Variants in ZNF234 observed in about 807,000 individuals in gnomAD.
ZNF234 encodes the protein zinc finger protein 234.
In ZNF234, 4 loss-of-function variants were observed where a neutral mutation model predicts 10.3. The ratio of observed to expected loss-of-function variants is 0.39; its 90% CI spans 0.19 to 0.89. The LOEUF (loss-of-function observed/expected upper bound fraction) is 0.89. Ranked by LOEUF, ZNF234 falls within the 40% of genes least tolerant of loss-of-function variation. The pLI is 0.38. For synonymous variants in ZNF234, 258 were observed against 280.1 expected (o/e 0.92, Z 0.79); for missense variants, 711 against 836.1 (o/e 0.85, Z 1.85).
Position 44,148,899 on chromosome 19 carries a change from T to TG in ZNF234, c.142+3dup. On this transcript the variant is annotated splice_region_variant and intron_variant, in intron 4 of 5. Transcript: ENST00000426739. Reference sequence around the variant, plus strand: ...ACTTCAGGAACCTGCTGTCAGTGGGTGAGGACATGAGCTTTCTAACACTCA... The same window carrying TG: ...ACTTCAGGAACCTGCTGTCAGTGGGTGGAGGACATGAGCTTTCTAACACTCA... The TG allele has an allele frequency of 6.2e-7, 1 of 1,612,500 alleles. No individual in the cohort carries two copies. The highest frequency in any genetic ancestry group is 8.5e-7 in the Non-Finnish European group (1 of 1,179,132).
At position 44,156,423 on chromosome 19, in the gene ZNF234, C is replaced by T. The variant is rs773384121; in HGVS notation, c.407C>T (p.Ala136Val). The T allele has an allele frequency of 6.2e-7, 1 of 1,613,420 alleles. No individual in the cohort carries two copies. The highest frequency in any genetic ancestry group is 1.7e-5 in the Admixed American group (1 of 59,942). The change falls in exon 6 of 6, where the codon GCA becomes GTA. Residue 136 changes from alanine (A) to valine (V), a missense_variant. By Grantham distance (64) the Ala-to-Val change is moderately conservative. Coordinates refer to ENST00000426739, the MANE Select transcript of ZNF234 (RefSeq NM_006630.3). ...GGTGATTTGTCCTGCCAGGTTAGGG[C>T]AGGACTATATACAACTCACACAGGA... Reference protein sequence around the residue: ...RQGDLSCQVRAGLYTTHTGQK... With the variant: ...RQGDLSCQVRVGLYTTHTGQK...
rs1201013364 is a variant in ZNF234, at chr19:44,158,095, A to G, written c.2079A>G (p.Ser693=). The part of the protein sequence containing the change: ...DENSKNIREL[S]EGGSSTR Reference sequence around the variant, plus strand: ...ATAGTAAGAACATCAGAGAGTTGTCAGAGGGAGGAAGTTCTACAAGGTGAT... The same window carrying G: ...ATAGTAAGAACATCAGAGAGTTGTCGGAGGGAGGAAGTTCTACAAGGTGAT... The change falls in exon 6 of 6, where the codon TCA becomes TCG. Residue 693 remains serine (S), a synonymous_variant. Transcript: ENST00000426739. The G allele has an allele frequency of 6.2e-7, 1 of 1,601,054 alleles. No individual in the cohort carries two copies. Among genetic ancestry groups the G allele is most frequent in the African/African-American group, 1.4e-5 (1 of 71,184 alleles).
intron 5 of ZNF234, 55 bp downstream of exon 5, chr19:44,150,560 C>A: frequency 7.2e-7 from 1 of 1,397,482 alleles, no homozygotes; most frequent in Non-Finnish European, 9.7e-7. Context: ...TGTTGTACTT[C>A]TCTCCCCTGC....
intron 5 of ZNF234, among the ~76,000 whole-genome samples, chr19:44,153,421 G>C (rs1968797645): frequency 6.6e-6 from 1 of 151,990 alleles, no homozygotes; most frequent in Non-Finnish European, 1.5e-5. Flanking sequence ...GCTTTAGTAA[G>C]CATTTCAGAA....
chr19:44,145,459 T>G (rs901197316), intron 3 of ZNF234, among the ~76,000 whole-genome samples: 3 of 152,226 alleles, frequency 2.0e-5, no homozygotes, highest in African/African-American at 7.2e-5. Context: ...TCTGCTGATT[T>G]TTTTGTCACC....
At chr19:44,150,850 A>AT (rs1222595512) in intron 5 of ZNF234, among the ~76,000 whole-genome samples, 1 of 151,994 alleles carries the variant, frequency 6.6e-6, no homozygotes, top group Non-Finnish European at 1.5e-5. Context: ...CCTGGCTAAC[A>AT]TGGCAAAACC....
chr19:44,142,753 A>G (rs1414135538), intron 2 of ZNF234, among the ~76,000 whole-genome samples: 1 of 152,214 alleles, frequency 6.6e-6, no homozygotes, highest in Non-Finnish European at 1.5e-5. Flanking sequence ...ATTTTGTTTC[A>G]TTTATTACAA....
chr19:44,141,852 C>T lies in ZNF234; in HGVS notation c.-131+119C>T, dbSNP rs1017511874. 1 of 152,262 alleles carries T rather than the reference C, an allele frequency of 6.6e-6. No individual in the cohort carries two copies. The highest frequency in any genetic ancestry group is 2.4e-5 in the African/African-American group (1 of 41,446). The allele number at this position is 152,262 out of a possible 1,614,324, so 9.4% of individuals were successfully genotyped here. A position where few individuals can be genotyped will look rare whatever the true frequency, so the allele number is the denominator to read the frequency against. ...ATTGGGACTTGGTTGGGTCGCGTCT[C>T]GCCTGGTTTGAGGGTTTCCGGGGCT... On this transcript the variant is annotated intron_variant, in intron 1 of 5. Coordinates refer to ENST00000426739, the MANE Select transcript of ZNF234 (RefSeq NM_006630.3). This position sits in a 1 kb window ranked among gnomAD's most constrained non-coding sequence, Gnocchi z 4.6.
At chr19:44,151,559 A>G (rs1409731813) in intron 5 of ZNF234, among the ~76,000 whole-genome samples, 1 of 152,186 alleles carries the variant, frequency 6.6e-6, no homozygotes, top group African/African-American at 2.4e-5. Context: ...ATTAAATGAT[A>G]AAAATGTATT....
chr19:44,157,822 G>T lies in ZNF234; in HGVS notation c.1806G>T (p.Gly602=). ...AACCCTATACATGTGGGGAGTGTGGGAAGCACTTCAGTCAGGCCTCAAGTC... is the reference window on the plus strand; with the variant it reads ...AACCCTATACATGTGGGGAGTGTGGTAAGCACTTCAGTCAGGCCTCAAGTC... ...GEKPYTCGEC[G]KHFSQASSLQ... is the part of the protein sequence containing the mutation. The change falls in exon 6 of 6, where the codon GGG becomes GGT. Residue 602 remains glycine, a synonymous_variant. Transcript: ENST00000426739. The T allele has an allele frequency of 6.2e-7, 1 of 1,613,892 alleles. No individual in the cohort carries two copies. Among genetic ancestry groups the T allele is most frequent in the Non-Finnish European group, 8.5e-7 (1 of 1,179,962 alleles).
At chr19:44,148,031 A>G (rs1225219148) in intron 3 of ZNF234, among the ~76,000 whole-genome samples, 2 of 152,228 alleles carry the variant, frequency 1.3e-5, no homozygotes, top group Non-Finnish European at 2.9e-5. Context: ...ATAGATGATG[A>G]TGGTAATAAT....
chr19:44,144,089 G>A (rs1370002339), intron 2 of ZNF234, among the ~76,000 whole-genome samples: 1 of 152,126 alleles, frequency 6.6e-6, no homozygotes, highest in Non-Finnish European at 1.5e-5. Context: ...TTTGCTGAGT[G>A]TAGTAATCAT....
chr19:44,154,149 C>T (rs1968814033), intron 5 of ZNF234, among the ~76,000 whole-genome samples: 1 of 152,080 alleles, frequency 6.6e-6, no homozygotes, highest in Non-Finnish European at 1.5e-5. Flanking sequence ...GAGCAGAGAC[C>T]CACAAGACGT....
rs912408062 is a variant in ZNF234 at position 44,157,999 on chromosome 19, C to T, written c.1983C>T (p.Phe661=). The T allele has an allele frequency of 6.2e-7, 1 of 1,613,706 alleles. No homozygotes were observed. Among genetic ancestry groups the T allele is most frequent in the African/African-American group, 1.3e-5 (1 of 74,852 alleles). ...PYKCEICGKR[F]SWRSNLVSHH... The stretch of plus-strand genomic sequence containing the variant: ...AATGTGAGATATGTGGTAAGAGGTT[C>T]AGCTGGCGATCAAATCTTGTAAGTC... Residue 661 remains phenylalanine, a synonymous_variant, in exon 6 of 6, where the codon TTC becomes TTT. Transcript: ENST00000426739.
intron 3 of ZNF234, 194 bp from the exon 4 acceptor site, chr19:44,148,577 G>C (rs1599695145): frequency 2.7e-6 from 2 of 740,738 alleles, no homozygotes; most frequent in East Asian, 5.9e-5. Context: ...TATTGTTACT[G>C]ATGTACTTTT....
Position 44,141,869 on chromosome 19 carries a change from T to G in ZNF234, c.-131+136T>G, listed in dbSNP as rs1169652894. ...TCGCGTCTCGCCTGGTTTGAGGGTT[T>G]CCGGGGCTCTGAGCTCGCCCACTCC... is the stretch of plus-strand genomic sequence containing the variant. On this transcript the variant is annotated intron_variant, in intron 1 of 5. Coordinates refer to ENST00000426739, the MANE Select transcript of ZNF234 (RefSeq NM_006630.3). This position sits in a 1 kb window ranked among gnomAD's most constrained non-coding sequence, Gnocchi z 4.6. 2.0e-5 allele frequency: 3 copies of G among 152,288 alleles called. No individual in the cohort carries two copies. The highest frequency in any genetic ancestry group is 7.2e-5 in the African/African-American group (3 of 41,442). The allele number at this position is 152,288 out of a possible 1,614,324, so 9.4% of individuals were successfully genotyped here. A position where few individuals can be genotyped will look rare whatever the true frequency, so the allele number is the denominator to read the frequency against.
intron 5 of ZNF234, among the ~76,000 whole-genome samples, chr19:44,153,290 G>A (rs891989620): frequency 1.2e-4 from 18 of 150,756 alleles, no homozygotes; most frequent in Admixed American, 1.2e-3. Context: ...TAAGGACCAG[G>A]TAACTTCTAG....
intron 4 of ZNF234, among the ~76,000 whole-genome samples, chr19:44,150,153 G>A (rs952046315): frequency 3.9e-5 from 6 of 152,114 alleles, no homozygotes; most frequent in Non-Finnish European, 8.8e-5. Context: ...TGGGTCAGGG[G>A]CTCTCCAAAG....
intron 2 of ZNF234, among the ~76,000 whole-genome samples, chr19:44,142,737 T>G (rs1968495902): frequency 6.6e-6 from 1 of 152,238 alleles, no homozygotes; most frequent in Admixed American, 6.5e-5. Context: ...TTAAAAACTG[T>G]CAACTATTTT....
Sources: gnomAD v4.1 joint callset for allele counts (sites outside exome capture counted in the v4.1 genomes callset) on GRCh38, gnomAD v4.1.1 for gene constraint, Gnocchi (gnomAD v3.1) non-coding constraint, MANE v1.5 for transcripts, NCBI Gene and HGNC (gene_info 2026-07-23, HGNC 2026-07-21) for gene names.